Variants in TLK2 observed in about 807,000 individuals in gnomAD.
TLK2 encodes the protein tousled like kinase 2.
TLK2 carries 6 observed loss-of-function variants against 117.3 expected under a neutral mutation model. The observed-to-expected ratio is 0.05, with a 90% CI of 0.03 to 0.10. The LOEUF (loss-of-function observed/expected upper bound fraction) is 0.10. Among genes scored for constraint, TLK2 ranks in the 10% least tolerant of loss-of-function variants. The pLI is 1.00. For missense variants in TLK2, 299 were observed against 901.2 expected, an observed-to-expected ratio of 0.33 and a Z score of 8.56; for synonymous variants, 257 against 316.7, an observed-to-expected ratio of 0.81 and a Z score of 2.00.
At chr17:62,611,290 T>C (rs897256923) in intron 21 of TLK2, among the ~76,000 whole-genome samples, 1 of 152,226 alleles carries the variant, frequency 6.6e-6, no homozygotes, top group Non-Finnish European at 1.5e-5. Context: ...TCCAAATGCT[T>C]TAACCAAGCC....
upstream of TLK2, among the ~76,000 whole-genome samples, chr17:62,474,063 C>T (rs2070991697): frequency 6.6e-6 from 1 of 151,964 alleles, no homozygotes; most frequent in African/African-American, 2.4e-5. Flanking sequence ...GCGCATCTAA[C>T]TTTTGTATTT....
intron 2 of TLK2, among the ~76,000 whole-genome samples, chr17:62,491,678 T>C (rs1467142436): frequency 6.6e-6 from 1 of 152,180 alleles, no homozygotes; most frequent in Non-Finnish European, 1.5e-5. Context: ...AAGCTCCGCT[T>C]CCTGGGTTCA....
At chr17:62,540,400 ATT>A (rs534202077) in intron 7 of TLK2, among the ~76,000 whole-genome samples, 15 of 19,990 alleles carry the variant, frequency 7.5e-4, no homozygotes, top group East Asian at 7.6e-3. Context: ...TATGTTCAGA[ATT>A]TTTTTTTTTT....
chr17:62,567,192 A>G (rs2079865041), intron 11 of TLK2, among the ~76,000 whole-genome samples: 1 of 152,100 alleles, frequency 6.6e-6, no homozygotes, highest in Non-Finnish European at 1.5e-5. Context: ...CGAGAATTGT[A>G]CCACTGTCCT....
At chr17:62,477,274 T>A (rs2071079887), upstream of TLK2, among the ~76,000 whole-genome samples, 1 of 152,086 alleles carries the variant, frequency 6.6e-6, no homozygotes, top group Admixed American at 6.6e-5. Flanking sequence ...CTTGCCCTCT[T>A]TTCCTACCCT....
At chr17:62,482,862 T>C (rs754597683) in intron 2 of TLK2, among the ~76,000 whole-genome samples, 1 of 152,182 alleles carries the variant, frequency 6.6e-6, no homozygotes, top group African/African-American at 2.4e-5. Flanking sequence ...ATCTGCAGTA[T>C]GGGGAGAGAG....
chr17:62,485,395 C>G (rs1454243738), intron 2 of TLK2, among the ~76,000 whole-genome samples: 2 of 152,172 alleles, frequency 1.3e-5, no homozygotes, highest in Non-Finnish European at 2.9e-5. Context: ...GATATACACT[C>G]CATTACTTAG....
At chr17:62,519,116 C>A (rs2075848564) in intron 2 of TLK2, among the ~76,000 whole-genome samples, 1 of 152,184 alleles carries the variant, frequency 6.6e-6, no homozygotes, top group Non-Finnish European at 1.5e-5. Context: ...AACTCCTGAG[C>A]TCAAGGGATC....
Position 62,498,100 on chromosome 17 carries a change from G to GA in TLK2, c.81+16895dup, listed in dbSNP as rs761979673. On this transcript the variant is annotated intron_variant, in intron 2 of 21. Transcript: ENST00000346027. ...ATATGAAGAACAAACCTTTATACCT[G>GA]ATAATGTCCATGTTTCTTTTGAATT... Among the ~76,000 whole-genome samples, 6 of 152,128 alleles carry GA rather than the reference G, an allele frequency of 3.9e-5. No individual in the cohort carries two copies. The South Asian group carries it at 6.2e-4, about 16-fold the overall frequency.
rs747922497 is a variant in TLK2 at position 62,613,263 on chromosome 17, T to C, written c.*698T>C. The C allele has an allele frequency of 2.0e-5, 3 of 152,678 alleles. No homozygotes were observed. Among genetic ancestry groups the C allele is most frequent in the Non-Finnish European group, 2.9e-5 (2 of 68,048 alleles). 9.5% of individuals were successfully genotyped at this position (152,678 alleles called of 1,614,324 possible). On this transcript the variant is annotated 3_prime_UTR_variant, in exon 22 of 22. Coordinates refer to ENST00000346027, the MANE Select transcript of TLK2 (RefSeq NM_006852.6). ...ATCAGATGCAGCTTTCTCCTCCGTC[T>C]GGTCTCCTGTTTGCAATTGCTTCCC...
chr17:62,534,248 C>T (rs563371887), intron 6 of TLK2, among the ~76,000 whole-genome samples: 1 of 152,296 alleles, frequency 6.6e-6, no homozygotes, highest in East Asian at 1.9e-4. Context: ...TAGATGACCA[C>T]TATACCACCA....
intron 7 of TLK2, among the ~76,000 whole-genome samples, chr17:62,542,517 A>G (rs2145964107): frequency 6.6e-6 from 1 of 152,324 alleles, no homozygotes; most frequent in African/African-American, 2.4e-5. Flanking sequence ...TTATTGTTAC[A>G]GTATGAGTGT....
At chr17:62,476,958 C>T (rs531231741), upstream of TLK2, among the ~76,000 whole-genome samples, 3 of 151,782 alleles carry the variant, frequency 2.0e-5, no homozygotes, top group East Asian at 5.8e-4. Context: ...GGCCTGGTAG[C>T]GCGTGCCTGT....
intron 1 of TLK2, 73 bp from the exon 2 acceptor site, chr17:62,481,048 G>C (rs989790210): frequency 2.8e-6 from 4 of 1,410,060 alleles, no homozygotes; most frequent in Non-Finnish European, 4.0e-6. Context: ...ATTACTGTGA[G>C]TTTTGTTCTA....
chr17:62,517,583 A>G (rs1489878456), intron 2 of TLK2, among the ~76,000 whole-genome samples: 2 of 151,106 alleles, frequency 1.3e-5, no homozygotes, highest in Non-Finnish European at 3.0e-5. Flanking sequence ...TTTAGTAGAG[A>G]CGGGGTTTCA....
intron 11 of TLK2, among the ~76,000 whole-genome samples, chr17:62,565,690 C>T (rs1288241543): frequency 1.4e-5 from 2 of 144,982 alleles, no homozygotes; most frequent in African/African-American, 2.5e-5. Context: ...TGCATTAAAA[C>T]TTAAAAGAAT....
chr17:62,591,595 C>T (rs534232580), intron 16 of TLK2, among the ~76,000 whole-genome samples: 31 of 151,922 alleles, frequency 2.0e-4, no homozygotes, highest in African/African-American at 7.5e-4. Context: ...TTTGGAAAAA[C>T]GTAAAGATGA....
chr17:62,513,709 G>A (rs574127843), intron 2 of TLK2, among the ~76,000 whole-genome samples: 1 of 152,110 alleles, frequency 6.6e-6, no homozygotes, highest in African/African-American at 2.4e-5. Flanking sequence ...TGTTTTTTGG[G>A]ATGGAGTCTG....
chr17:62,517,030 C>T (rs2075654263), intron 2 of TLK2, among the ~76,000 whole-genome samples: 1 of 152,036 alleles, frequency 6.6e-6, no homozygotes, highest in African/African-American at 2.4e-5. Flanking sequence ...CTCAGCCACC[C>T]GAGTAGCTGG....
Sources: gnomAD v4.1 joint callset for allele counts (sites outside exome capture counted in the v4.1 genomes callset) on GRCh38, gnomAD v4.1.1 for gene constraint, MANE v1.5 for transcripts, NCBI Gene and HGNC (gene_info 2026-07-23, HGNC 2026-07-21) for gene names.